Variants in IMMP2L observed in about 807,000 individuals in gnomAD.
IMMP2L encodes the protein mitochondrial inner membrane protease subunit 2.
In IMMP2L, 18 loss-of-function variants were observed where a neutral mutation model predicts 19.3. The observed-to-expected ratio is 0.93, with a 90% CI of 0.64 to 1.38. The LOEUF (loss-of-function observed/expected upper bound fraction) is 1.38, where lower values mean the gene tolerates loss of function less well. IMMP2L is among the 40% of genes most tolerant of loss of function. IMMP2L has a pLI of 0.00. For synonymous variants in IMMP2L, 76 were observed against 73.0 expected (o/e 1.04, Z -0.21); for missense variants, 233 against 218.2 (o/e 1.07, Z -0.43).
chr7:111,354,357 A>C lies in IMMP2L; in HGVS notation c.239+132881T>G, dbSNP rs746397081. ...ATTGATACCTAGTATCAAAGGCCAA[A>C]GTACTTGAAAATCTAATTTCCACCT... On this transcript the variant is annotated intron_variant, in intron 3 of 5. Coordinates refer to ENST00000405709, the MANE Select transcript of IMMP2L (RefSeq NM_032549.4). Among the ~76,000 whole-genome samples, 136 of 152,096 alleles carry C rather than the reference A, an allele frequency of 8.9e-4. No homozygotes were observed. The Middle Eastern group carries it at 0.01, about 11-fold the overall frequency.
intron 3 of IMMP2L, among the ~76,000 whole-genome samples, chr7:111,142,405 G>A (rs1803033509): frequency 6.6e-6 from 1 of 151,258 alleles, no homozygotes; most frequent in Admixed American, 6.6e-5. Flanking sequence ...AGAAACCCAT[G>A]TATTATATAT....
intron 4 of IMMP2L, among the ~76,000 whole-genome samples, chr7:110,921,342 T>C (rs1222508511): frequency 6.6e-6 from 1 of 152,196 alleles, no homozygotes; most frequent in African/African-American, 2.4e-5. Context: ...CATCTATAAA[T>C]TCCCTTCTCT....
intron 5 of IMMP2L, among the ~76,000 whole-genome samples, chr7:110,857,290 C>T (rs547515633): frequency 2.6e-5 from 4 of 152,200 alleles, no homozygotes; most frequent in South Asian, 4.1e-4. Context: ...TCTAGCCTAG[C>T]ATACCAGTCT....
intron 3 of IMMP2L, among the ~76,000 whole-genome samples, chr7:111,039,372 A>C (rs1233818753): frequency 2.0e-5 from 3 of 152,228 alleles, no homozygotes; most frequent in Non-Finnish European, 4.4e-5. Flanking sequence ...ATAAAAACAG[A>C]ATATATGTTT....
chr7:110,696,820 TTTGA>T (rs1311349261), intron 5 of IMMP2L, among the ~76,000 whole-genome samples: 1 of 151,982 alleles, frequency 6.6e-6, no homozygotes, highest in Non-Finnish European at 1.5e-5. Context: ...AGAATAAGAA[TTTGA>T]TTGGGGGGAC....
chr7:111,004,222 T>C lies in IMMP2L; in HGVS notation c.240-40657A>G, dbSNP rs373416489. Among the ~76,000 whole-genome samples, 21 of 152,260 alleles carry C rather than the reference T, an allele frequency of 1.4e-4. 2 individuals are homozygous for C. The East Asian group carries it at 1.9e-3, about 14-fold the overall frequency. On this transcript the variant is annotated intron_variant, in intron 3 of 5. Coordinates refer to ENST00000405709, the MANE Select transcript of IMMP2L (RefSeq NM_032549.4). ...TTGCCATGAGAATTATTTAATTCTC[T>C]TTTGGAGTGCAATGGCATAATCATA...
At position 111,310,804 on chromosome 7, in the gene IMMP2L, G is replaced by A. The variant is rs73422091; in HGVS notation, c.239+176434C>T. Among the ~76,000 whole-genome samples the A allele has an allele frequency of 2.7e-3, 415 of 152,154 alleles. 4 individuals are homozygous for A. The highest frequency in any genetic ancestry group is 0.01 in the Middle Eastern group (3 of 292). On this transcript the variant is annotated intron_variant, in intron 3 of 5. Coordinates refer to ENST00000405709, the MANE Select transcript of IMMP2L (RefSeq NM_032549.4). ...GGAAGGATTTGCAAGATCAATAGCC[G>A]TATACCAAGTGCCAGAGACAAGAAT...
At chr7:111,015,637 G>C (rs1407431749) in intron 3 of IMMP2L, among the ~76,000 whole-genome samples, 1 of 152,132 alleles carries the variant, frequency 6.6e-6, no homozygotes, top group Non-Finnish European at 1.5e-5. Flanking sequence ...AATCAGTAGA[G>C]ACAGAAAGTA....
chr7:111,288,814 T>C (rs758883812), intron 3 of IMMP2L, among the ~76,000 whole-genome samples: 2 of 152,082 alleles, frequency 1.3e-5, no homozygotes, highest in Admixed American at 6.6e-5. Context: ...TTTTACACTG[T>C]TGGTGGGAGT....
At chr7:111,177,813 G>C (rs935550930) in intron 3 of IMMP2L, among the ~76,000 whole-genome samples, 2 of 152,058 alleles carry the variant, frequency 1.3e-5, no homozygotes, top group East Asian at 3.9e-4. Flanking sequence ...CAGGAAGATG[G>C]GGTTGGCAGC....
chr7:111,451,910 T>G (rs940893179), intron 3 of IMMP2L, among the ~76,000 whole-genome samples: 5 of 152,022 alleles, frequency 3.3e-5, no homozygotes, highest in African/African-American at 9.7e-5. Context: ...AAGTAGAAGA[T>G]AAGAGAAGAT....
intron 2 of IMMP2L, among the ~76,000 whole-genome samples, chr7:111,504,238 A>C (rs1469263381): frequency 1.3e-5 from 2 of 152,180 alleles, no homozygotes; most frequent in South Asian, 2.1e-4. Flanking sequence ...CAAAGAGAAT[A>C]AAATACCTAG....
rs112927881 is a variant in IMMP2L, at chr7:111,237,291, G to A, written c.239+249947C>T. On this transcript the variant is annotated intron_variant, in intron 3 of 5. Coordinates refer to ENST00000405709, the MANE Select transcript of IMMP2L (RefSeq NM_032549.4). ...TGCTATCCTGTGCCTTAGATACTGAGTAATTAATTCAATTTGATGTCCTAT... is the reference window on the plus strand; with the variant it reads ...TGCTATCCTGTGCCTTAGATACTGAATAATTAATTCAATTTGATGTCCTAT... Among the ~76,000 whole-genome samples, 685 of 152,146 alleles carry A rather than the reference G, an allele frequency of 4.5e-3. 5 individuals carry two copies. Among genetic ancestry groups the A allele is most frequent in the African/African-American group, 0.016 (647 of 41,528 alleles).
chr7:110,807,319 G>A (rs1384979668), intron 5 of IMMP2L, among the ~76,000 whole-genome samples: 1 of 152,050 alleles, frequency 6.6e-6, no homozygotes, highest in Middle Eastern at 3.4e-3. Context: ...AACCCAGGAG[G>A]ACATTTCTTT....
At chr7:111,203,389 T>C (rs1271753247) in intron 3 of IMMP2L, among the ~76,000 whole-genome samples, 1 of 151,968 alleles carries the variant, frequency 6.6e-6, no homozygotes, top group Non-Finnish European at 1.5e-5. Context: ...ATATATAGTA[T>C]GTCAGATGGC....
At chr7:111,106,434 G>A (rs1482696165) in intron 3 of IMMP2L, among the ~76,000 whole-genome samples, 1 of 151,774 alleles carries the variant, frequency 6.6e-6, no homozygotes, top group African/African-American at 2.4e-5. Context: ...CTGGTTTTGA[G>A]AAACTCTCTA....
At chr7:111,274,989 C>T (rs1038200209) in intron 3 of IMMP2L, among the ~76,000 whole-genome samples, 1 of 152,162 alleles carries the variant, frequency 6.6e-6, no homozygotes, top group Non-Finnish European at 1.5e-5. Flanking sequence ...AAAGCAGTAG[C>T]ACCAAGGCGC....
At position 110,822,035 on chromosome 7, in the gene IMMP2L, A is replaced by G. The variant is rs533291423; in HGVS notation, c.408+64558T>C. Among the ~76,000 whole-genome samples, 241 of 152,232 alleles carry G rather than the reference A, an allele frequency of 1.6e-3. 6 individuals carry two copies. The South Asian group carries it at 0.027, about 17-fold the overall frequency. On this transcript the variant is annotated intron_variant, in intron 5 of 5. Transcript: ENST00000405709. ...TCAACTGAATGTTTAGCACTCTCCA[A>G]TCTTTTCTCCAACCCAGGTGTGTCT...
intron 3 of IMMP2L, among the ~76,000 whole-genome samples, chr7:111,460,509 G>A (rs528425583): frequency 3.1e-4 from 47 of 152,102 alleles, no homozygotes; most frequent in Middle Eastern, 3.4e-3. Context: ...AAAGGTATTC[G>A]TGGGAGATTT....
Sources: gnomAD v4.1 joint callset for allele counts (sites outside exome capture counted in the v4.1 genomes callset) on GRCh38, gnomAD v4.1.1 for gene constraint, MANE v1.5 for transcripts, NCBI Gene and HGNC (gene_info 2026-07-23, HGNC 2026-07-21) for gene names.